PPFIA2: variants seen among roughly 807,000 people sequenced by gnomAD.
PPFIA2 encodes PPFI scaffold protein A2.
PPFIA2 carries 46 observed loss-of-function variants against 175.5 expected under a neutral mutation model. The observed-to-expected ratio is 0.26, with a 90% CI of 0.21 to 0.34. The LOEUF (loss-of-function observed/expected upper bound fraction) is 0.34, where lower values mean the gene tolerates loss of function less well. Ranked by LOEUF, PPFIA2 falls within the 10% of genes least tolerant of loss-of-function variation. The pLI is 1.00. For synonymous variants in PPFIA2, 568 were observed against 511.4 expected, an observed-to-expected ratio of 1.11 and a Z score of -1.49; for missense variants, 1,179 against 1,506.1, an observed-to-expected ratio of 0.78 and a Z score of 3.60.
intron 22 of PPFIA2, among the ~76,000 whole-genome samples, chr12:81,317,748 TAAATACTTAC>T (rs958506734): frequency 6.6e-6 from 1 of 151,732 alleles, no homozygotes. Context: ...AAATGTATTT[TAAATACTTAC>T]AATATGCCAG....
rs1286149020 is a variant in PPFIA2, at chr12:81,362,739, G to T, written c.1591C>A (p.Gln531Lys). 1.9e-6 allele frequency: 3 copies of T among 1,546,952 alleles called. No homozygotes were observed. The highest frequency in any genetic ancestry group is 2.6e-6 in the Non-Finnish European group (3 of 1,143,428). ...AAAGAGCCAGTTCTCATTTTCAATT[G>T]GTCAAGTTCAGATCTCAGCTTTTCA... ...EIEKLRSELD[Q>K]LKMRTGSLIE... Residue 531 changes from glutamine to lysine, a missense_variant, in exon 15 of 33, where the codon CAA becomes AAA. By Grantham distance (53) the Gln-to-Lys change is moderately conservative (BLOSUM62 1). Around this residue, in one of 10 missense-constraint regions of PPFIA2, gnomAD observed 186 missense variants for 163.6 expected, o/e 1.14. Transcript: ENST00000549396.
chr12:81,659,773 A>G (rs1409832685), intron 4 of PPFIA2, among the ~76,000 whole-genome samples: 1 of 152,126 alleles, frequency 6.6e-6, no homozygotes, highest in Non-Finnish European at 1.5e-5. Flanking sequence ...TGAGTCCCTG[A>G]CCCCTGAGTA....
intron 7 of PPFIA2, chr12:81,431,187 T>G (rs573582333): frequency 2.4e-4 from 36 of 152,318 alleles, no homozygotes; most frequent in African/African-American, 8.4e-4. Flanking sequence ...GTCTGTCAAT[T>G]GAATTTTTAC....
intron 11 of PPFIA2, among the ~76,000 whole-genome samples, chr12:81,369,771 C>T (rs567868989): frequency 2.6e-5 from 4 of 151,650 alleles, no homozygotes; most frequent in African/African-American, 9.7e-5. Flanking sequence ...ACACTGACAC[C>T]AAACAGAACA....
chr12:81,301,971 T>C (rs2047957760), intron 22 of PPFIA2, among the ~76,000 whole-genome samples: 1 of 152,152 alleles, frequency 6.6e-6, no homozygotes, highest in South Asian at 2.1e-4. Flanking sequence ...GCCAATAAAA[T>C]GTAAGCTCAG....
chr12:81,533,574 GC>G (rs2064911259), intron 4 of PPFIA2, among the ~76,000 whole-genome samples: 1 of 151,412 alleles, frequency 6.6e-6, no homozygotes, highest in African/African-American at 2.4e-5. Flanking sequence ...GAATTTGGAT[GC>G]AAAAATTGCT....
chr12:81,261,946 C>A lies in PPFIA2; in HGVS notation c.*33+3G>T. 6.4e-7 allele frequency: 1 copy of A among 1,564,966 alleles called. No individual in the cohort carries two copies. The highest frequency in any genetic ancestry group is 1.2e-5 in the South Asian group (1 of 85,726). ...TTTTGTCAGCCAAAGGGAAACTACTCACAGCAGGTCAGTGCTGCCTCCTTT... is the reference window on the plus strand; with the variant it reads ...TTTTGTCAGCCAAAGGGAAACTACTAACAGCAGGTCAGTGCTGCCTCCTTT... On this transcript the variant is annotated splice_donor_region_variant and intron_variant, in intron 32 of 32. Transcript: ENST00000549396.
chr12:81,412,446 G>A (rs1371131845), intron 7 of PPFIA2, among the ~76,000 whole-genome samples: 1 of 150,630 alleles, frequency 6.6e-6, no homozygotes, highest in Non-Finnish European at 1.5e-5. Context: ...ATATAAATTT[G>A]CTTCTTTTCA....
rs1288361724 is a variant in PPFIA2 at position 81,363,882 on chromosome 12, CATT to C, written c.1546-1101_1546-1099del. Among the ~76,000 whole-genome samples, 10 of 151,898 alleles carry C rather than the reference CATT, an allele frequency of 6.6e-5. No homozygotes were observed. In the East Asian group the frequency reaches 1.2e-3, roughly 18 times the overall value. On this transcript the variant is annotated intron_variant, in intron 14 of 32. Coordinates refer to ENST00000549396, the MANE Select transcript of PPFIA2 (RefSeq NM_003625.5). ...TTATTGATTTGTAAATATCTTTGTT[CATT>C]ATTTTCACAAAAGTGCGCTGAGTAC...
intron 4 of PPFIA2, among the ~76,000 whole-genome samples, chr12:81,498,054 C>G (rs555822821): frequency 6.6e-6 from 1 of 152,200 alleles, no homozygotes; most frequent in Non-Finnish European, 1.5e-5. Flanking sequence ...GGCTGCTGTT[C>G]TGCAAATTTA....
intron 22 of PPFIA2, chr12:81,312,410 A>G (rs118128431): frequency 0.099 from 49,016 of 492,690 alleles, 3,042 homozygotes; most frequent in Middle Eastern, 0.13. Flanking sequence ...CTATGTCTTG[A>G]GTATGAGCCA....
At chr12:81,710,708 T>TTCACTTCTTTTCCC (rs1237635626) in intron 3 of PPFIA2, among the ~76,000 whole-genome samples, 3 of 151,806 alleles carry the variant, frequency 2.0e-5, no homozygotes, top group Admixed American at 1.3e-4. Context: ...GATATTTTCA[T>TTCACTTCTTTTCCC]ATAATATTTT....
chr12:81,407,486 A>G (rs1400164514), intron 7 of PPFIA2, among the ~76,000 whole-genome samples: 3 of 136,542 alleles, frequency 2.2e-5, no homozygotes, highest in Non-Finnish European at 4.7e-5. Context: ...CTGTCTTAAA[A>G]TAAAATAAAA....
chr12:81,259,584 GT>G lies in PPFIA2; in HGVS notation c.*109del, dbSNP rs1360335349. The G allele has an allele frequency of 1.5e-5, 23 of 1,501,966 alleles. No homozygotes were observed. The highest frequency in any genetic ancestry group is 3.4e-4 in the Middle Eastern group (2 of 5,918). The allele number at this position is 1,501,966 out of a possible 1,614,324, so 93.0% of individuals were successfully genotyped here. A position where few individuals can be genotyped will look rare whatever the true frequency, so the allele number is the denominator to read the frequency against. ...GACGTCATTATTTCCTTAGAATTCA[GT>G]TTTCACAAAGGTTTTCACTGCTCGT... On this transcript the variant is annotated 3_prime_UTR_variant, in exon 33 of 33. Transcript: ENST00000549396.
intron 4 of PPFIA2, among the ~76,000 whole-genome samples, chr12:81,538,239 G>C (rs1389849958): frequency 6.6e-6 from 1 of 151,828 alleles, no homozygotes; most frequent in African/African-American, 2.4e-5. Flanking sequence ...CATAATTACT[G>C]CATATTGATA....
At chr12:81,412,468 T>A (rs1379552201) in intron 7 of PPFIA2, among the ~76,000 whole-genome samples, 2 of 152,066 alleles carry the variant, frequency 1.3e-5, no homozygotes, top group South Asian at 4.1e-4. Flanking sequence ...AAACTTTGCA[T>A]CTACATTATC....
At chr12:81,457,284 T>C (rs959314842) in intron 5 of PPFIA2, among the ~76,000 whole-genome samples, 15 of 140,640 alleles carry the variant, frequency 1.1e-4, no homozygotes, top group Non-Finnish European at 2.0e-4. Context: ...GCGTCCGGCC[T>C]TTTTTTTTTT....
chr12:81,563,033 T>C (rs1186516103), intron 4 of PPFIA2, among the ~76,000 whole-genome samples: 1 of 152,116 alleles, frequency 6.6e-6, no homozygotes. Flanking sequence ...AGAGATGTCA[T>C]GGCCCTCATT....
chr12:81,459,892 T>C (rs956253960), intron 4 of PPFIA2, among the ~76,000 whole-genome samples: 68 of 152,238 alleles, frequency 4.5e-4, no homozygotes, highest in African/African-American at 1.6e-3. Context: ...TGGCTGAGGA[T>C]ACTGAATAAT....
Sources: gnomAD v4.1 joint callset for allele counts (sites outside exome capture counted in the v4.1 genomes callset) on GRCh38, gnomAD v4.1.1 for gene constraint, gnomAD v4.1.1 regional missense constraint, MANE v1.5 for transcripts, NCBI Gene and HGNC (gene_info 2026-07-23, HGNC 2026-07-21) for gene names.